The following GNL3L variants were observed in gnomAD, a reference collection of about 807,000 sequenced individuals.
GNL3L encodes G protein nucleolar 3 like, also known as guanine nucleotide-binding protein-like 3-like protein.
A neutral mutation model predicts 42.9 loss-of-function variants in GNL3L; 4 were observed. The ratio of observed to expected loss-of-function variants is 0.09; its 90% CI spans 0.05 to 0.21. The LOEUF (loss-of-function observed/expected upper bound fraction) is 0.21, where lower values mean the gene tolerates loss of function less well. Ranked by LOEUF, GNL3L falls within the 10% of genes least tolerant of loss-of-function variation. The pLI is 1.00. For synonymous variants in GNL3L, 159 were observed against 176.3 expected, an observed-to-expected ratio of 0.90 and a Z score of 0.78; for missense variants, 412 against 481.7, an observed-to-expected ratio of 0.86 and a Z score of 1.36.
intron 8 of GNL3L, among the ~76,000 whole-genome samples, chrX:54,546,846 A>G (rs2147482348): frequency 9.2e-6 from 1 of 108,968 alleles, no homozygotes; most frequent in Non-Finnish European, 1.9e-5. Flanking sequence ...GGGTTTCACC[A>G]TGTTGGTCAG....
At chrX:54,547,865 TC>T (rs1177004106) in intron 8 of GNL3L, among the ~76,000 whole-genome samples, 1 of 111,745 alleles carries the variant, frequency 8.9e-6, no homozygotes, top group African/African-American at 3.3e-5. Context: ...AGGGTGGGCA[TC>T]CCTGTTGTGC....
intron 16 of GNL3L, among the ~76,000 whole-genome samples, chrX:54,609,170 A>G (rs1363022488): frequency 9.0e-6 from 1 of 111,607 alleles, no homozygotes; most frequent in Non-Finnish European, 1.9e-5. Flanking sequence ...AGAATTGTCT[A>G]TTCATGTCCT....
chrX:54,589,345 ATT>A (rs965788167), intron 16 of GNL3L, among the ~76,000 whole-genome samples: 1 of 108,915 alleles, frequency 9.2e-6, no homozygotes, highest in Admixed American at 9.9e-5. Context: ...AAATAGTCTT[ATT>A]TTTTTTTGTC....
chrX:54,637,182 C>G, the GNL3L span, among the ~76,000 whole-genome samples: 1 of 111,560 alleles, frequency 9.0e-6, no homozygotes. Flanking sequence ...GCCTACTTCA[C>G]CATTTTGCCA....
downstream of GNL3L, among the ~76,000 whole-genome samples, chrX:54,567,649 A>G (rs1253637831): frequency 9.2e-6 from 1 of 108,689 alleles, no homozygotes; most frequent in Non-Finnish European, 1.9e-5. Flanking sequence ...TCCATCTCAA[A>G]AAAAAAAAAA....
At position 54,536,371 on chromosome X, in the gene GNL3L, C is replaced by T. The variant is rs865992524; in HGVS notation, c.20-2669C>T. 2.0e-4 allele frequency among the ~76,000 whole-genome samples: 22 copies of T among 111,247 alleles called. 1 individual carries two copies. The highest frequency in any genetic ancestry group is 6.8e-4 in the African/African-American group (21 of 30,707). ...GGATTATAGCTGTGAGCCATCGCTC[C>T]TGGCCTCAGTGATAAGTTTTAGTAG... On this transcript the variant is annotated intron_variant, in intron 2 of 15. Coordinates refer to ENST00000360845, the MANE Select transcript of GNL3L (RefSeq NM_001184819.2).
In GNL3L at chrX:54,564,731, CT is replaced by C. The variant is rs781526946; in HGVS notation, c.*4149del. ...TTTTTCTTTGTTCTTATATTTTTGT[CT>C]TTTTTTTTTTTTTTTTTTTGAAACA... On this transcript the variant is annotated 3_prime_UTR_variant, in exon 16 of 16. Coordinates refer to ENST00000360845, the MANE Select transcript of GNL3L (RefSeq NM_001184819.2). Among the ~76,000 whole-genome samples, 135 of 71,890 alleles carry C rather than the reference CT, an allele frequency of 1.9e-3. No homozygotes were observed. The highest frequency in any genetic ancestry group is 0.01 in the Middle Eastern group (1 of 96). 62.4% of individuals were successfully genotyped at this position (71,890 alleles called of 115,157 possible). A position where few individuals can be genotyped will look rare whatever the true frequency, so the allele number is the denominator to read the frequency against.
intron 16 of GNL3L, among the ~76,000 whole-genome samples, chrX:54,578,559 A>G (rs1339338801): frequency 5.3e-5 from 6 of 112,406 alleles, no homozygotes; most frequent in Non-Finnish European, 9.4e-5. Context: ...ACATGGAATC[A>G]TAAAGTATGT....
chrX:54,546,366 C>A (rs1924774276), intron 8 of GNL3L, among the ~76,000 whole-genome samples: 1 of 111,311 alleles, frequency 9.0e-6, no homozygotes, highest in African/African-American at 3.3e-5. Context: ...CCACAAATAC[C>A]CTTGTACATG....
downstream of GNL3L, among the ~76,000 whole-genome samples, chrX:54,624,192 A>G (rs1162058223): frequency 9.0e-6 from 1 of 111,438 alleles, no homozygotes; most frequent in Non-Finnish European, 1.9e-5. Flanking sequence ...AAGTGCTGGG[A>G]TTATTATCCT....
intron 14 of GNL3L, among the ~76,000 whole-genome samples, chrX:54,558,045 A>G (rs962529623): frequency 1.7e-4 from 19 of 109,431 alleles, no homozygotes; most frequent in Non-Finnish European, 3.8e-5. Flanking sequence ...CACCATTCCC[A>G]GCTAATTTTT....
chrX:54,581,293 G>T (rs144329707), intron 16 of GNL3L, among the ~76,000 whole-genome samples: 1,233 of 111,289 alleles, frequency 0.011, 13 homozygotes, highest in African/African-American at 0.039. Flanking sequence ...GTGCTGAGGC[G>T]CTCTCTTGGC....
chrX:54,543,075 G>A, intron 6 of GNL3L, 37 bp downstream of exon 6: 1 of 1,086,487 alleles, frequency 9.2e-7, no homozygotes. Flanking sequence ...TTGCGGGAGG[G>A]TTCCAGTCCA....
intron 8 of GNL3L, among the ~76,000 whole-genome samples, chrX:54,544,649 TTTTA>T (rs1345668889): frequency 2.7e-5 from 3 of 109,715 alleles, no homozygotes; most frequent in Non-Finnish European, 5.7e-5. Context: ...TTTGTAATTT[TTTTA>T]TTTTTAGTAG....
Position 54,552,412 on chromosome X carries a change from TGAA to T in GNL3L, c.1305_1307del (p.Glu435del). On this transcript the variant is annotated inframe_deletion, in exon 13 of 16. Coordinates refer to ENST00000360845, the MANE Select transcript of GNL3L (RefSeq NM_001184819.2). ...ACATCGAGGATACTGAGCAGGCCAATGAAGACACCATGGAATGTAAGTGTGGGC... is the reference window on the plus strand; with the variant it reads ...ACATCGAGGATACTGAGCAGGCCAATGACACCATGGAATGTAAGTGTGGGC... 8.3e-7 allele frequency: 1 copy of T among 1,210,711 alleles called. No homozygotes were observed. The highest frequency in any genetic ancestry group is 2.2e-5 in the Admixed American group (1 of 46,008).
At chrX:54,573,965 T>C (rs1458915231) in intron 16 of GNL3L, among the ~76,000 whole-genome samples, 1 of 110,971 alleles carries the variant, frequency 9.0e-6, no homozygotes, top group African/African-American at 3.3e-5. Flanking sequence ...TTTTGAGCTT[T>C]GTTCTTTGAT....
At chrX:54,626,461 G>A (rs1205353349), downstream of GNL3L, among the ~76,000 whole-genome samples, 2 of 111,850 alleles carry the variant, frequency 1.8e-5, no homozygotes, top group African/African-American at 6.5e-5. Flanking sequence ...TCCATCTTGA[G>A]TATTGTGAAT....
intron 16 of GNL3L, among the ~76,000 whole-genome samples, chrX:54,590,342 A>T (rs1925852136): frequency 8.9e-6 from 1 of 112,255 alleles, no homozygotes; most frequent in Non-Finnish European, 1.9e-5. Flanking sequence ...CTTGTTTGCC[A>T]TGTATATGTC....
intron 16 of GNL3L, among the ~76,000 whole-genome samples, chrX:54,583,937 C>G (rs1336465569): frequency 9.0e-6 from 1 of 111,374 alleles, no homozygotes; most frequent in Non-Finnish European, 1.9e-5. Context: ...GCCACTGCAC[C>G]CAGCCCAAAT....
Sources: gnomAD v4.1 joint callset for allele counts (sites outside exome capture counted in the v4.1 genomes callset) on GRCh38, gnomAD v4.1.1 for gene constraint, MANE v1.5 for transcripts, NCBI Gene and HGNC (gene_info 2026-07-23, HGNC 2026-07-21) for gene names.